ANGPTL3: variants seen among roughly 807,000 people sequenced by gnomAD.
ANGPTL3 encodes angiopoietin-related protein 3.
ANGPTL3 carries 51 observed loss-of-function variants against 52.7 expected under a neutral mutation model. The ratio of observed to expected loss-of-function variants is 0.97; its 90% CI spans 0.77 to 1.22. The LOEUF (loss-of-function observed/expected upper bound fraction) is 1.22. Among genes scored for constraint, ANGPTL3 ranks in the 50% most tolerant of loss-of-function variants. The probability of loss-of-function intolerance (pLI) is 0.00; values close to 1 mark genes in which losing one functional copy is unlikely to be tolerated. For missense variants in ANGPTL3, 506 were observed against 520.7 expected (o/e 0.97, Z 0.27); for synonymous variants, 185 against 179.8 (o/e 1.03, Z -0.23).
Position 62,604,620 on chromosome 1 carries a change from C to A in ANGPTL3, c.1199-13C>A. The stretch of plus-strand genomic sequence containing the variant: ...AGTCTGTACCCATTAAATTGCATAT[C>A]TATCTCCTTTAGGAGGCTGGTGGTG... On this transcript the variant is annotated splice_polypyrimidine_tract_variant and intron_variant, in intron 6 of 6. Coordinates refer to ENST00000371129, the MANE Select transcript of ANGPTL3 (RefSeq NM_014495.4). The A allele has an allele frequency of 6.2e-7, 1 of 1,612,196 alleles. No individual in the cohort carries two copies. The highest frequency in any genetic ancestry group is 8.5e-7 in the Non-Finnish European group (1 of 1,178,532).
rs1649520688 is a variant in ANGPTL3 at position 62,597,908 on chromosome 1, G to C, written c.342G>C (p.Lys114Asn). The change falls in exon 1 of 7, where the codon AAG (lysine) becomes AAC (asparagine). Residue 114 changes from lysine (K) to asparagine (N), a missense_variant. By Grantham distance (94) the Lys-to-Asn change is moderately conservative. Coordinates refer to ENST00000371129, the MANE Select transcript of ANGPTL3 (RefSeq NM_014495.4). ...TACAAGTCAAAAATGAAGAGGTAAA[G>C]AATATGTCACTTGAACTCAACTCAA... ...YKLQVKNEEV[K>N]NMSLELNSKL... 6.4e-7 allele frequency: 1 copy of C among 1,563,064 alleles called. No individual in the cohort carries two copies. Among genetic ancestry groups the C allele is most frequent in the Admixed American group, 2.1e-5 (1 of 48,620 alleles).
chr1:62,598,360 G>A (rs981780470), intron 1 of ANGPTL3, among the ~76,000 whole-genome samples: 7 of 151,918 alleles, frequency 4.6e-5, no homozygotes, highest in Admixed American at 1.3e-4. Flanking sequence ...CTGAAGGTAA[G>A]TAAAAAGTTA....
Position 62,601,692 on chromosome 1 carries a change from T to C in ANGPTL3, c.722-77T>C, listed in dbSNP as rs891624648. 7.6e-6 allele frequency: 8 copies of C among 1,049,884 alleles called. No homozygotes were observed. In the African/African-American group the frequency reaches 1.3e-4, roughly 17 times the overall value. The allele number at this position is 1,049,884 out of a possible 1,614,324, so 65.0% of individuals were successfully genotyped here. On this transcript the variant is annotated intron_variant, in intron 3 of 6. Transcript: ENST00000371129. ...CTACATTTGCCACAACTTCATAAAA[T>C]GTCAAGTGAAATCTCAAGCTCCAAA... is the stretch of plus-strand genomic sequence containing the variant.
chr1:62,602,731 G>A (rs888120974), intron 5 of ANGPTL3, among the ~76,000 whole-genome samples: 1 of 151,370 alleles, frequency 6.6e-6, no homozygotes, highest in African/African-American at 2.4e-5. Context: ...ACCACTCCTA[G>A]CATTAGTCAC....
chr1:62,604,564 C>T (rs1324363474), intron 6 of ANGPTL3, 69 bp from the exon 7 acceptor site: 27 of 1,472,538 alleles, frequency 1.8e-5, no homozygotes, highest in East Asian at 1.1e-4. Context: ...GATAAACTTA[C>T]GGGGAAATAC....
chr1:62,603,976 T>C lies in ANGPTL3; in HGVS notation c.939T>C (p.Phe313=). 6.2e-7 allele frequency: 1 copy of C among 1,612,862 alleles called. No individual in the cohort carries two copies. Among genetic ancestry groups the C allele is most frequent in the Non-Finnish European group, 8.5e-7 (1 of 1,179,122 alleles). ...KYGFGRLDGE[F]WLGLEKIYSI... ...TAAAACTTTTCTTTTCAGGAGAATT[T>C]TGGTTGGGCCTAGAGAAGATATACT... The change falls in exon 6 of 7, where the codon TTT becomes TTC. Residue 313 remains phenylalanine, a synonymous_variant. Coordinates refer to ENST00000371129, the MANE Select transcript of ANGPTL3 (RefSeq NM_014495.4).
chr1:62,604,160 G>C lies in ANGPTL3; in HGVS notation c.1123G>C (p.Glu375Gln). 2 of 1,613,306 alleles carry C rather than the reference G, an allele frequency of 1.2e-6. No homozygotes were observed. The highest frequency in any genetic ancestry group is 1.7e-6 in the Non-Finnish European group (2 of 1,179,454). The change falls in exon 6 of 7, where the codon GAA becomes CAA. Residue 375 changes from glutamate to glutamine, a missense_variant. Physicochemically the swap from Glu to Gln is conservative, Grantham distance 29 (BLOSUM62 2). Coordinates refer to ENST00000371129, the MANE Select transcript of ANGPTL3 (RefSeq NM_014495.4). ...TGGCAATGTCCCCAATGCAATCCCG[G>C]AAAACAAAGATTTGGTGTTTTCTAC... is the stretch of plus-strand genomic sequence containing the variant. ...ITGNVPNAIP[E>Q]NKDLVFSTWD...
At chr1:62,603,856 G>C (rs1459671523) in intron 5 of ANGPTL3, 113 bp from the exon 6 acceptor site, 7 of 967,632 alleles carry the variant, frequency 7.2e-6, no homozygotes, top group Non-Finnish European at 1.1e-5. Flanking sequence ...AATGATCAAG[G>C]GATTCAAGAC....
intron 2 of ANGPTL3, among the ~76,000 whole-genome samples, chr1:62,599,117 TTA>T (rs1298282857): frequency 6.6e-6 from 1 of 152,122 alleles, no homozygotes; most frequent in Non-Finnish European, 1.5e-5. Flanking sequence ...CAATGTCATC[TTA>T]CTAAAATTCA....
In ANGPTL3 at chr1:62,601,821, C is replaced by T; in HGVS notation, c.774C>T (p.Gly258=). 1 of 1,610,244 alleles carries T rather than the reference C, an allele frequency of 6.2e-7. No individual in the cohort carries two copies. The highest frequency in any genetic ancestry group is 1.1e-5 in the South Asian group (1 of 90,996). ...ATAACAGAGGTGAACATACAAGTGG[C>T]ATGTATGCCATCAGACCCAGCAACT... ...TIYNRGEHTS[G]MYAIRPSNSQ... Residue 258 remains glycine, a synonymous_variant, in exon 4 of 7, where the codon GGC becomes GGT. Transcript: ENST00000371129.
At chr1:62,602,422 A>G (rs753859845) in intron 5 of ANGPTL3, 42 bp downstream of exon 5, 1 of 1,546,568 alleles carries the variant, frequency 6.5e-7, no homozygotes, top group East Asian at 2.3e-5. Flanking sequence ...TTGCTAATCT[A>G]CAAATATTTA....
intron 5 of ANGPTL3, among the ~76,000 whole-genome samples, chr1:62,603,616 C>T (rs1407702481): frequency 1.3e-5 from 2 of 151,680 alleles, no homozygotes; most frequent in African/African-American, 2.4e-5. Context: ...TAATAAATAG[C>T]TGACAGTAAA....
chr1:62,601,278 T>G, intron 3 of ANGPTL3, 82 bp downstream of exon 3: 1 of 977,000 alleles, frequency 1.0e-6, no homozygotes, highest in South Asian at 1.3e-5. Context: ...GACTAAAAGA[T>G]AGTTAAGAGA....
intron 2 of ANGPTL3, among the ~76,000 whole-genome samples, chr1:62,599,166 A>G (rs375843281): frequency 2.6e-5 from 4 of 152,218 alleles, no homozygotes; most frequent in African/African-American, 9.6e-5. Flanking sequence ...AAACCACACA[A>G]TAGCTTTCCA....
chr1:62,599,890 T>C (rs927869174), intron 2 of ANGPTL3, among the ~76,000 whole-genome samples: 6 of 152,060 alleles, frequency 3.9e-5, no homozygotes, highest in Admixed American at 1.3e-4. Context: ...TGCAGTACAA[T>C]AGTTTAAAAA....
Position 62,604,685 on chromosome 1 carries a change from T to C in ANGPTL3, c.1251T>C (p.Tyr417=), listed in dbSNP as rs1454623215. The change falls in exon 7 of 7, where the codon TAT becomes TAC. Residue 417 remains tyrosine (Y), a synonymous_variant. Coordinates refer to ENST00000371129, the MANE Select transcript of ANGPTL3 (RefSeq NM_014495.4). The part of the protein sequence containing the change: ...ECGENNLNGK[Y]NKPRAKSKPE... Reference sequence around the variant, plus strand: ...GAGAAAACAACCTAAATGGTAAATATAACAAACCAAGAGCAAAATCTAAGC... The same window carrying C: ...GAGAAAACAACCTAAATGGTAAATACAACAAACCAAGAGCAAAATCTAAGC... The C allele has an allele frequency of 3.1e-6, 5 of 1,613,006 alleles. No homozygotes were observed. The highest frequency in any genetic ancestry group is 1.1e-5 in the South Asian group (1 of 91,058).
chr1:62,604,368 T>G, intron 6 of ANGPTL3, 133 bp downstream of exon 6: 1 of 1,118,352 alleles, frequency 8.9e-7, no homozygotes, highest in Non-Finnish European at 1.3e-6. Context: ...GACGAAAACC[T>G]CTTAACTATA....
At chr1:62,600,003 A>T (rs1417015993) in intron 2 of ANGPTL3, among the ~76,000 whole-genome samples, 1 of 151,996 alleles carries the variant, frequency 6.6e-6, no homozygotes, top group African/African-American at 2.4e-5. Flanking sequence ...TATAAAACAA[A>T]TATTATTACC....
At chr1:62,602,637 T>C (rs766978865) in intron 5 of ANGPTL3, among the ~76,000 whole-genome samples, 3 of 151,738 alleles carry the variant, frequency 2.0e-5, no homozygotes, top group African/African-American at 2.4e-5. Flanking sequence ...CGGCTTACAA[T>C]GATCATAACT....
Sources: allele counts gnomAD v4.1 joint callset (sites outside exome capture counted in the v4.1 genomes callset), GRCh38; gene constraint gnomAD v4.1.1; transcripts MANE v1.5; gene names NCBI Gene and HGNC (gene_info 2026-07-23, HGNC 2026-07-21).